Variants in NTM observed in about 807,000 individuals in gnomAD.
NTM encodes the protein neurotrimin.
A neutral mutation model predicts 42.1 loss-of-function variants in NTM; 13 were observed. That is an observed-to-expected ratio of 0.31 (90% CI 0.20 to 0.49). The LOEUF is 0.49. Ranked by LOEUF, NTM falls within the 20% of genes least tolerant of loss-of-function variation. The pLI is 0.99. For missense variants in NTM, 373 were observed against 452.8 expected (o/e 0.82, Z 1.60); for synonymous variants, 187 against 179.2 (o/e 1.04, Z -0.35).
intron 3 of NTM, among the ~76,000 whole-genome samples, chr11:132,177,239 A>C (rs941664455): frequency 6.6e-6 from 1 of 152,246 alleles, no homozygotes; most frequent in Non-Finnish European, 1.5e-5. Flanking sequence ...TCAACATAAG[A>C]AGTTCCTTTG....
chr11:131,776,380 A>G (rs1286005527), intron 1 of NTM, among the ~76,000 whole-genome samples: 1 of 152,204 alleles, frequency 6.6e-6, no homozygotes, highest in East Asian at 1.9e-4. Flanking sequence ...GGGAAGAGCA[A>G]CATATGCTAG....
chr11:132,239,230 C>T (rs1012591958), intron 4 of NTM, among the ~76,000 whole-genome samples: 34 of 152,170 alleles, frequency 2.2e-4, no homozygotes, highest in Admixed American at 7.2e-4. Flanking sequence ...GCTTGAACTT[C>T]GGACTCTTGG....
rs139619760 is a variant in NTM, at chr11:131,647,680, G to T, written c.83-263884G>T. On this transcript the variant is annotated intron_variant, in intron 1 of 8. Transcript: ENST00000683400. ...TTAAACAATTTTTCCAAAATTATAT[G>T]ATTTGTAAATGATGGAACTGGGGTA... Among the ~76,000 whole-genome samples the T allele has an allele frequency of 9.7e-3, 1,473 of 152,280 alleles. 10 individuals carry two copies. The highest frequency in any genetic ancestry group is 0.044 in the Middle Eastern group (13 of 294).
rs917110378 is a variant in NTM at position 132,034,679 on chromosome 11, A to G, written c.168-111603A>G. On this transcript the variant is annotated intron_variant, in intron 2 of 8. Transcript: ENST00000683400. ...TTTAGGGACAAAGGAACCTGGAGAG[A>G]GGAGTAGACTTTCTTTTTCTCTCCT... Among the ~76,000 whole-genome samples, 9 of 152,184 alleles carry G rather than the reference A, an allele frequency of 5.9e-5. No homozygotes were observed. In the South Asian group the frequency reaches 1.5e-3, roughly 25 times the overall value.
chr11:131,608,877 C>T (rs886289637), intron 1 of NTM, among the ~76,000 whole-genome samples: 3 of 152,146 alleles, frequency 2.0e-5, no homozygotes, highest in East Asian at 1.9e-4. Flanking sequence ...AGTGAGTTGA[C>T]GATGGAGTCA....
At chr11:131,789,803 A>AAG (rs1207754390) in intron 1 of NTM, among the ~76,000 whole-genome samples, 7 of 149,842 alleles carry the variant, frequency 4.7e-5, no homozygotes, top group Admixed American at 1.3e-4. Context: ...AAAAATACAA[A>AAG]AAATTAGCCG....
At chr11:132,046,305 A>G (rs563123014) in intron 2 of NTM, among the ~76,000 whole-genome samples, 32 of 151,886 alleles carry the variant, frequency 2.1e-4, no homozygotes, top group Non-Finnish European at 4.4e-4. Context: ...TATTGTATTT[A>G]TTTTTTGTTG....
chr11:131,481,409 G>C (rs1953572698), intron 1 of NTM, among the ~76,000 whole-genome samples: 1 of 152,240 alleles, frequency 6.6e-6, no homozygotes. Context: ...TCATAGGACT[G>C]ACCCCAGTTT....
At position 131,817,653 on chromosome 11, in the gene NTM, G is replaced by C. The variant is rs1020343467; in HGVS notation, c.83-93911G>C. ...AGCATGCAGCTGGGTATATACAAAG[G>C]TTTTCCTGGGAGGGGCCTCTGAGCT... On this transcript the variant is annotated intron_variant, in intron 1 of 8. Coordinates refer to ENST00000683400, the MANE Select transcript of NTM (RefSeq NM_001352005.2). Among the ~76,000 whole-genome samples the C allele has an allele frequency of 2.0e-5, 3 of 152,356 alleles. No homozygotes were observed. The East Asian group carries it at 5.8e-4, about 29-fold the overall frequency.
intron 1 of NTM, chr11:131,795,730 G>A (rs1238259029): frequency 1.0e-6 from 1 of 985,400 alleles, no homozygotes; most frequent in Non-Finnish European, 1.2e-6. Flanking sequence ...GCCTGAGGTG[G>A]TGACAGTGTA....
intron 6 of NTM, 76 bp downstream of exon 6, chr11:132,310,308 T>A: frequency 7.0e-7 from 1 of 1,433,860 alleles, no homozygotes. Context: ...TGATTCCACA[T>A]TGTTGCAAAC....
chr11:131,578,738 C>T (rs1365318910), intron 1 of NTM, among the ~76,000 whole-genome samples: 1 of 152,148 alleles, frequency 6.6e-6, no homozygotes, highest in Non-Finnish European at 1.5e-5. Context: ...GTAACTATCT[C>T]CCTCATAGGG....
intron 2 of NTM, among the ~76,000 whole-genome samples, chr11:132,045,249 C>G (rs1056658688): frequency 1.3e-5 from 2 of 151,992 alleles, no homozygotes; most frequent in African/African-American, 4.8e-5. Flanking sequence ...TAAGTGCTGG[C>G]AGTTCTGGGA....
chr11:131,778,046 A>G (rs983650228), intron 1 of NTM, among the ~76,000 whole-genome samples: 1 of 152,212 alleles, frequency 6.6e-6, no homozygotes, highest in African/African-American at 2.4e-5. Context: ...TCAAAAACTG[A>G]TAAGACTGTC....
intron 2 of NTM, among the ~76,000 whole-genome samples, chr11:131,947,481 A>G (rs953941141): frequency 1.3e-5 from 2 of 152,186 alleles, no homozygotes; most frequent in Non-Finnish European, 2.9e-5. Context: ...CAGCACCTAC[A>G]GAGAACCAGG....
chr11:132,226,382 A>T (rs1463754991), intron 4 of NTM, among the ~76,000 whole-genome samples: 1 of 152,088 alleles, frequency 6.6e-6, no homozygotes, highest in African/African-American at 2.4e-5. Flanking sequence ...TTGTTTCCTG[A>T]CTTTTTAATG....
chr11:131,438,906 C>T (rs1949368873), intron 1 of NTM, among the ~76,000 whole-genome samples: 1 of 152,212 alleles, frequency 6.6e-6, no homozygotes, highest in South Asian at 2.1e-4. Flanking sequence ...CTGGTTTCTC[C>T]TCATCTTTGT....
chr11:131,989,498 A>G (rs2066640407), intron 2 of NTM, among the ~76,000 whole-genome samples: 1 of 152,146 alleles, frequency 6.6e-6, no homozygotes, highest in African/African-American at 2.4e-5. Context: ...GAAAAATGCC[A>G]ATGTACTAAA....
chr11:131,724,858 G>T (rs1457337019), intron 1 of NTM, among the ~76,000 whole-genome samples: 1 of 152,214 alleles, frequency 6.6e-6, no homozygotes, highest in African/African-American at 2.4e-5. Flanking sequence ...TTCTTTGCAT[G>T]TCAGGGGAAA....
Sources: allele counts gnomAD v4.1 joint callset (sites outside exome capture counted in the v4.1 genomes callset), GRCh38; gene constraint gnomAD v4.1.1; transcripts MANE v1.5; gene names NCBI Gene and HGNC (gene_info 2026-07-23, HGNC 2026-07-21).